Variants in KIAA1191 observed in about 807,000 individuals in gnomAD.
The protein encoded by KIAA1191 is putative monooxygenase p33MONOX.
KIAA1191 carries 22 observed loss-of-function variants against 31.1 expected under a neutral mutation model. The observed-to-expected ratio is 0.71, with a 90% CI of 0.51 to 1.01. The LOEUF is 1.01. KIAA1191 is among the 50% of genes least tolerant of loss of function. KIAA1191 has a pLI of 0.00. For synonymous variants in KIAA1191, 130 were observed against 143.9 expected (o/e 0.90, Z 0.69); for missense variants, 319 against 388.0 (o/e 0.82, Z 1.49).
chr5:176,360,854 G>A (rs1436693737), intron 1 of KIAA1191, among the ~76,000 whole-genome samples: 1 of 151,782 alleles, frequency 6.6e-6, no homozygotes, highest in Non-Finnish European at 1.5e-5. Context: ...ATAAAGAGAA[G>A]GAAACTAAAA....
chr5:176,352,901 TAG>T (rs1285327742), intron 4 of KIAA1191, among the ~76,000 whole-genome samples, 153 bp from the exon 5 acceptor site: 2 of 152,194 alleles, frequency 1.3e-5, no homozygotes, highest in East Asian at 3.8e-4. Context: ...TCCACCCAGC[TAG>T]ATAGGTATTA....
At chr5:176,360,153 A>ATT (rs200839926) in intron 1 of KIAA1191, among the ~76,000 whole-genome samples, 2,604 of 123,044 alleles carry the variant, frequency 0.021, 118 homozygotes, top group African/African-American at 0.06. Context: ...CCCAATCCCA[A>ATT]TTTTTTTTTT....
chr5:176,348,008 T>C lies in KIAA1191; in HGVS notation c.622A>G (p.Met208Val), dbSNP rs749129915. 2.5e-6 allele frequency: 4 copies of C among 1,614,000 alleles called. No homozygotes were observed. The highest frequency in any genetic ancestry group is 3.3e-5 in the Admixed American group (2 of 59,998). Residue 208 changes from methionine to valine, a missense_variant, in exon 8 of 9, where the codon ATG becomes GTG. Met to Val is a conservative substitution (Grantham distance 21). Coordinates refer to ENST00000298569, the MANE Select transcript of KIAA1191 (RefSeq NM_020444.5). ...TCCTTATCCCCACTTCCAGAGTCCA[T>C]GGTGCTAGGATTTGGGCCAGGTAAG... Reference protein sequence around the residue: ...TALPGPNPSTMDSGSGDKDRN... With the variant: ...TALPGPNPSTVDSGSGDKDRN...
At chr5:176,348,591 A>C (rs1042251991) in intron 6 of KIAA1191, among the ~76,000 whole-genome samples, 7 of 150,332 alleles carry the variant, frequency 4.7e-5, no homozygotes, top group African/African-American at 1.7e-4. Flanking sequence ...CCTGTACTTA[A>C]AGCTTTACAC....
intron 3 of KIAA1191, among the ~76,000 whole-genome samples, chr5:176,358,496 A>G (rs1176785633): frequency 6.6e-6 from 1 of 152,018 alleles, no homozygotes; most frequent in Non-Finnish European, 1.5e-5. Context: ...TGGAAGGATC[A>G]CCTGAGGTCA....
intron 3 of KIAA1191, among the ~76,000 whole-genome samples, chr5:176,359,091 A>T (rs1231741141): frequency 2.8e-5 from 4 of 140,782 alleles, no homozygotes; most frequent in Non-Finnish European, 6.2e-5. Context: ...CTCAAAAAAA[A>T]AAAAAAAAAA....
chr5:176,352,547 TC>T, intron 5 of KIAA1191, 74 bp downstream of exon 5: 2 of 1,540,200 alleles, frequency 1.3e-6, no homozygotes, highest in Non-Finnish European at 8.8e-7. Flanking sequence ...CAGTATCATC[TC>T]CAATCAGCTT....
chr5:176,354,749 C>T (rs1767353823), intron 4 of KIAA1191, among the ~76,000 whole-genome samples: 1 of 152,120 alleles, frequency 6.6e-6, no homozygotes, highest in Non-Finnish European at 1.5e-5. Context: ...CTGGATCCTG[C>T]AGATAAGAGT....
At chr5:176,347,849 T>TA (rs1195462513) in intron 8 of KIAA1191, 41 bp from the exon 9 acceptor site, 4 of 1,606,560 alleles carry the variant, frequency 2.5e-6, no homozygotes, top group Non-Finnish European at 3.4e-6. Flanking sequence ...TCAAAACCAG[T>TA]AAACAGCTCC....
rs114922545 is a variant in KIAA1191, at chr5:176,352,830, G to A, written c.208-82C>T. ...CTAAACTTACTCCTTTGGGGAGGAA[G>A]TTACTGAAATAACATTAATCTGGTA... is the stretch of plus-strand genomic sequence containing the variant. On this transcript the variant is annotated intron_variant, in intron 4 of 8. Transcript: ENST00000298569. 1.6e-3 allele frequency: 2,289 copies of A among 1,411,046 alleles called. 30 individuals are homozygous for A. The African/African-American group carries it at 0.028, about 17-fold the overall frequency. The allele number at this position is 1,411,046 out of a possible 1,614,324, so 87.4% of individuals were successfully genotyped here.
chr5:176,347,893 GCT>G (rs1378807472), intron 8 of KIAA1191, 26 bp downstream of exon 8: 4 of 1,613,808 alleles, frequency 2.5e-6, no homozygotes, highest in Middle Eastern at 1.7e-4. Flanking sequence ...CTGCCATGCT[GCT>G]CTCTTTTTTG....
In KIAA1191 at chr5:176,359,262, T is replaced by C. The variant is rs545735275; in HGVS notation, c.28+219A>G. 1.8e-3 allele frequency among the ~76,000 whole-genome samples: 275 copies of C among 151,968 alleles called. 2 individuals carry two copies. Among genetic ancestry groups the C allele is most frequent in the Non-Finnish European group, 3.1e-3 (210 of 67,998 alleles). ...TGAACCCAGGAAGCGGAGGTAGCAGTGAGCCGAGATTGTGCCGCTGCACTC... is the reference window on the plus strand; with the variant it reads ...TGAACCCAGGAAGCGGAGGTAGCAGCGAGCCGAGATTGTGCCGCTGCACTC... On this transcript the variant is annotated intron_variant, in intron 3 of 8. Transcript: ENST00000298569.
At position 176,351,773 on chromosome 5, in the gene KIAA1191, AAGAAG is replaced by A. The variant is rs1369129850; in HGVS notation, c.334+844_334+848del. Among the ~76,000 whole-genome samples, 7 of 152,138 alleles carry A rather than the reference AAGAAG, an allele frequency of 4.6e-5. No individual in the cohort carries two copies. The East Asian group carries it at 1.4e-3, about 29-fold the overall frequency. ...ACTCTGTCTCAAAACAAAAAAAAAA[AAGAAG>A]AGAAACCAAAGTAAGAGTCTGGACC... On this transcript the variant is annotated intron_variant, in intron 5 of 8. Coordinates refer to ENST00000298569, the MANE Select transcript of KIAA1191 (RefSeq NM_020444.5).
intron 5 of KIAA1191, among the ~76,000 whole-genome samples, chr5:176,351,734 G>A (rs950468115): frequency 6.6e-6 from 1 of 151,792 alleles, no homozygotes; most frequent in African/African-American, 2.4e-5. Context: ...CTCCAGCCTG[G>A]GTGACAGAGT....
intron 3 of KIAA1191, among the ~76,000 whole-genome samples, chr5:176,358,670 C>T (rs1767703420): frequency 6.6e-6 from 1 of 150,952 alleles, no homozygotes; most frequent in Non-Finnish European, 1.5e-5. Flanking sequence ...GCTGAGATCA[C>T]ACCACTGTAT....
chr5:176,348,385 T>C, intron 6 of KIAA1191, 29 bp from the exon 7 acceptor site: 1 of 1,566,198 alleles, frequency 6.4e-7, no homozygotes, highest in Non-Finnish European at 8.8e-7. Context: ...AGAGAGACTT[T>C]TTAAAAATGA....
At chr5:176,358,910 T>G (rs1363798775) in intron 3 of KIAA1191, among the ~76,000 whole-genome samples, 1 of 151,614 alleles carries the variant, frequency 6.6e-6, no homozygotes, top group Non-Finnish European at 1.5e-5. Context: ...CGGTGAAACC[T>G]CGTCTCTACT....
chr5:176,353,899 C>T (rs1581366900), intron 4 of KIAA1191, among the ~76,000 whole-genome samples: 1 of 152,300 alleles, frequency 6.6e-6, no homozygotes, highest in East Asian at 1.9e-4. Context: ...GGCCTTTTCT[C>T]CCTGCACTTT....
intron 6 of KIAA1191, among the ~76,000 whole-genome samples, chr5:176,350,330 G>A (rs924783062): frequency 6.6e-6 from 1 of 152,136 alleles, no homozygotes; most frequent in African/African-American, 2.4e-5. Flanking sequence ...CCTCTGTTGA[G>A]GCTGCCCAGT....
Sources: allele counts gnomAD v4.1 joint callset (sites outside exome capture counted in the v4.1 genomes callset), GRCh38; gene constraint gnomAD v4.1.1; transcripts MANE v1.5; gene names NCBI Gene and HGNC (gene_info 2026-07-23, HGNC 2026-07-21).